SHISAL2A: variants seen among roughly 807,000 people sequenced by gnomAD.
The protein encoded by SHISAL2A is protein shisa-like-2A.
SHISAL2A carries 18 observed loss-of-function variants against 11.5 expected under a neutral mutation model. That is an observed-to-expected ratio of 1.57 (90% CI 1.08 to 2.33). The LOEUF is 2.33. SHISAL2A is among the 30% of genes most tolerant of loss of function. The pLI is 0.00. For synonymous variants in SHISAL2A, 94 were observed against 99.6 expected (o/e 0.94, Z 0.34); for missense variants, 261 against 250.9 (o/e 1.04, Z -0.27).
chr1:52,663,304 C>G (rs1222097436), intron 4 of SHISAL2A, among the ~76,000 whole-genome samples: 1 of 152,154 alleles, frequency 6.6e-6, no homozygotes, highest in African/African-American at 2.4e-5. Flanking sequence ...CAGCCCGTTA[C>G]TGGCAGAATC....
In SHISAL2A at chr1:52,633,447, C is replaced by T. The variant is rs1457721321; in HGVS notation, c.-47C>T. 1.8e-5 allele frequency: 25 copies of T among 1,423,000 alleles called. No individual in the cohort carries two copies. The highest frequency in any genetic ancestry group is 3.3e-5 in the Admixed American group (1 of 30,672). 88.1% of individuals were successfully genotyped at this position (1,423,000 alleles called of 1,614,324 possible). On this transcript the variant is annotated 5_prime_UTR_variant, in exon 1 of 3. Coordinates refer to ENST00000517870, the MANE Select transcript of SHISAL2A (RefSeq NM_001042693.3). The surrounding 1 kb of genome is among the most constrained non-coding windows in gnomAD (Gnocchi z 6.4). ...CCTCGCTTCCCCGCCGGGCTCTAGC[C>T]GGCCGTCTGGTGGCCCGAGGTGGCG... is the stretch of plus-strand genomic sequence containing the variant.
chr1:52,650,412 G>A (rs961771008), intron 2 of SHISAL2A, among the ~76,000 whole-genome samples: 17 of 152,074 alleles, frequency 1.1e-4, no homozygotes, highest in Non-Finnish European at 1.6e-4. Context: ...TCAGTGTGTG[G>A]CCTTAAGCAA....
intron 4 of SHISAL2A, among the ~76,000 whole-genome samples, chr1:52,663,868 GTTGT>G (rs1400783282): frequency 1.3e-5 from 2 of 152,220 alleles, no homozygotes; most frequent in Non-Finnish European, 2.9e-5. Flanking sequence ...TCTTGGATAT[GTTGT>G]TTAAGTCCTT....
intron 2 of SHISAL2A, 146 bp downstream of exon 2, chr1:52,643,148 C>T (rs1056926262): frequency 1.7e-5 from 13 of 744,548 alleles, no homozygotes; most frequent in Non-Finnish European, 2.9e-5. Flanking sequence ...TCTGGAGATT[C>T]GTGATCTAAA....
intron 2 of SHISAL2A, among the ~76,000 whole-genome samples, chr1:52,651,138 G>A (rs183405633): frequency 8.7e-4 from 133 of 152,200 alleles, no homozygotes; most frequent in Middle Eastern, 3.4e-3. Context: ...ACTTTTTATC[G>A]TCTACTCTGT....
Position 52,633,750 on chromosome 1 carries a change from C to G in SHISAL2A, c.182+75C>G. On this transcript the variant is annotated intron_variant, in intron 1 of 2. Transcript: ENST00000517870. The surrounding 1 kb of genome is among the most constrained non-coding windows in gnomAD (Gnocchi z 6.4). ...GCCTTCACCCCAGCCTCAGCCCCCA[C>G]CCGAGTGTCCACCTGAACATCAGCA... 1 of 1,245,968 alleles carries G rather than the reference C, an allele frequency of 8.0e-7. No homozygotes were observed. The highest frequency in any genetic ancestry group is 1.1e-6 in the Non-Finnish European group (1 of 870,342). 77.2% of individuals were successfully genotyped at this position (1,245,968 alleles called of 1,614,324 possible).
At chr1:52,657,125 A>G (rs1691808443), downstream of SHISAL2A, 9 of 1,476,814 alleles carry the variant, frequency 6.1e-6, no homozygotes, top group South Asian at 5.4e-5. Flanking sequence ...AGAGCCTAGC[A>G]TGATAAATGA....
intron 1 of SHISAL2A, among the ~76,000 whole-genome samples, chr1:52,640,260 G>T (rs564560566): frequency 6.6e-6 from 1 of 152,338 alleles, no homozygotes; most frequent in East Asian, 1.9e-4. Context: ...TGCAGAAGTG[G>T]CAAGGGCAGG....
At chr1:52,653,337 T>C (rs917340263) in intron 2 of SHISAL2A, among the ~76,000 whole-genome samples, 2 of 146,348 alleles carry the variant, frequency 1.4e-5, no homozygotes, top group African/African-American at 2.6e-5. Context: ...GGCATGTGCC[T>C]GTAGTCCCAG....
chr1:52,636,218 T>TGG, intron 1 of SHISAL2A, among the ~76,000 whole-genome samples: 1 of 21,798 alleles, frequency 4.6e-5, no homozygotes, highest in African/African-American at 2.2e-4. Context: ...ATTTGTGTGA[T>TGG]AGTACAGAGA....
At position 52,637,317 on chromosome 1, in the gene SHISAL2A, C is replaced by T. The variant is rs769257872; in HGVS notation, c.182+3642C>T. 2.1e-4 allele frequency among the ~76,000 whole-genome samples: 32 copies of T among 152,210 alleles called. 1 individual carries two copies. Among genetic ancestry groups the T allele is most frequent in the Non-Finnish European group, 1.2e-4 (8 of 68,040 alleles). ...GCTCTGAACCTTGAAATAACTCTTC[C>T]GGCATGCTCCTAACAGAGCCCGGAT... is the stretch of plus-strand genomic sequence containing the variant. On this transcript the variant is annotated intron_variant, in intron 1 of 2. Coordinates refer to ENST00000517870, the MANE Select transcript of SHISAL2A (RefSeq NM_001042693.3).
intron 1 of SHISAL2A, among the ~76,000 whole-genome samples, chr1:52,641,629 G>A (rs1691366206): frequency 6.6e-6 from 1 of 152,168 alleles, no homozygotes; most frequent in African/African-American, 2.4e-5. Context: ...GCAGAACCAT[G>A]GAGGTTGGGT....
At chr1:52,655,087 G>A (rs547712983) in intron 2 of SHISAL2A, among the ~76,000 whole-genome samples, 48 of 152,282 alleles carry the variant, frequency 3.2e-4, no homozygotes, top group African/African-American at 1.1e-3. Context: ...TCAGGAGGCT[G>A]AGGCAGGAGA....
At chr1:52,666,766 A>G (rs367834194) in intron 4 of SHISAL2A, among the ~76,000 whole-genome samples, 10 of 152,196 alleles carry the variant, frequency 6.6e-5, no homozygotes, top group African/African-American at 2.4e-4. Context: ...CTGGAAAGCT[A>G]TTGGATGTCT....
intron 1 of SHISAL2A, among the ~76,000 whole-genome samples, chr1:52,635,594 T>C (rs887328109): frequency 1.3e-5 from 2 of 151,950 alleles, no homozygotes; most frequent in Admixed American, 6.6e-5. Context: ...AAATGAAAGG[T>C]CTGAAAGATA....
chr1:52,653,093 A>G (rs1471752324), intron 2 of SHISAL2A, among the ~76,000 whole-genome samples: 3 of 151,046 alleles, frequency 2.0e-5, no homozygotes, highest in African/African-American at 7.3e-5. Context: ...AACCCAAACT[A>G]AAAACACAAT....
At chr1:52,662,249 G>A in intron 4 of SHISAL2A, among the ~76,000 whole-genome samples, 1 of 152,158 alleles carries the variant, frequency 6.6e-6, no homozygotes, top group East Asian at 1.9e-4. Context: ...AGCAGGGGTT[G>A]AACTTAATCT....
chr1:52,649,374 C>T (rs537590775), intron 2 of SHISAL2A, among the ~76,000 whole-genome samples: 4 of 152,284 alleles, frequency 2.6e-5, no homozygotes, highest in Non-Finnish European at 5.9e-5. Flanking sequence ...GATGTCAACC[C>T]AGATCTCCCA....
chr1:52,666,478 C>T (rs1252170607), intron 4 of SHISAL2A, among the ~76,000 whole-genome samples: 1 of 151,992 alleles, frequency 6.6e-6, no homozygotes, highest in Admixed American at 6.6e-5. Flanking sequence ...TAATTAAATG[C>T]AGTGTACCAC....
Sources: allele counts gnomAD v4.1 joint callset (sites outside exome capture counted in the v4.1 genomes callset), GRCh38; gene constraint gnomAD v4.1.1; non-coding constraint Gnocchi (gnomAD v3.1); transcripts MANE v1.5; gene names NCBI Gene and HGNC (gene_info 2026-07-23, HGNC 2026-07-21).